ZMYM2: variants seen among roughly 807,000 people sequenced by gnomAD.
ZMYM2 encodes the protein zinc finger MYM-type containing 2.
ZMYM2 carries 56 observed loss-of-function variants against 162.8 expected under a neutral mutation model. The ratio of observed to expected loss-of-function variants is 0.34; its 90% confidence interval spans 0.28 to 0.43. The LOEUF is 0.43. Among genes scored for constraint, ZMYM2 ranks in the 20% least tolerant of loss-of-function variants. ZMYM2 has a pLI of 1.00. For synonymous variants in ZMYM2, 510 were observed against 541.6 expected, an observed-to-expected ratio of 0.94 and a Z score of 0.81; for missense variants, 1,275 against 1,621.8, an observed-to-expected ratio of 0.79 and a Z score of 3.67.
At chr13:19,874,912 T>C in the ZMYM2 span, among the ~76,000 whole-genome samples, 49 of 152,220 alleles carry the variant, frequency 3.2e-4, no homozygotes, top group Non-Finnish European at 6.3e-4. Flanking sequence ...AAAGTCAAAA[T>C]ATAACAGATG....
At chr13:19,974,832 T>G (rs1331583071) in intron 2 of ZMYM2, among the ~76,000 whole-genome samples, 2 of 152,180 alleles carry the variant, frequency 1.3e-5, no homozygotes, top group African/African-American at 4.8e-5. Flanking sequence ...AATTGCTTGG[T>G]CAAAGAAATG....
chr13:19,938,276 G>A, the ZMYM2 span, among the ~76,000 whole-genome samples: 2 of 152,248 alleles, frequency 1.3e-5, no homozygotes, highest in South Asian at 4.1e-4. Context: ...GGAGGCTGAG[G>A]TGGGCGGATC....
intron 2 of ZMYM2, among the ~76,000 whole-genome samples, chr13:19,976,684 G>C (rs1479676384): frequency 2.0e-5 from 3 of 152,196 alleles, no homozygotes; most frequent in African/African-American, 7.2e-5. Context: ...GTGACTGGCT[G>C]TTTTCAGGTA....
the ZMYM2 span, among the ~76,000 whole-genome samples, chr13:19,925,967 C>CT: frequency 1.5e-3 from 219 of 143,722 alleles, 3 homozygotes; most frequent in East Asian, 0.019. Flanking sequence ...TGAAAATTAT[C>CT]TTTTTTTTTT....
chr13:20,031,296 G>A (rs1429734433), intron 9 of ZMYM2, 23 bp from the exon 10 acceptor site: 1 of 1,525,850 alleles, frequency 6.6e-7, no homozygotes, highest in Non-Finnish European at 9.0e-7. Flanking sequence ...GTCAGGCTTA[G>A]TATCTTTTGT....
intron 18 of ZMYM2, among the ~76,000 whole-genome samples, chr13:20,063,865 A>G (rs1956446507): frequency 6.9e-6 from 1 of 145,116 alleles, no homozygotes; most frequent in African/African-American, 2.5e-5. Flanking sequence ...TGTATATAAT[A>G]TATAAATATA....
At chr13:19,885,901 A>ACATATGTGTGTATCACATATATGTGTG in the ZMYM2 span, among the ~76,000 whole-genome samples, 1 of 107,366 alleles carries the variant, frequency 9.3e-6, no homozygotes, top group Admixed American at 9.0e-5. Context: ...GTGTATACAC[A>ACATATGTGTGTATCACATATATGTGTG]TATATATGTA....
the ZMYM2 span, among the ~76,000 whole-genome samples, chr13:19,877,211 CAA>C: frequency 2.4e-5 from 3 of 126,532 alleles, no homozygotes; most frequent in Non-Finnish European, 1.6e-5. Flanking sequence ...GACTCCGTCT[CAA>C]AAAAAAAAAA....
chr13:19,959,586 T>G (rs1489815683), intron 1 of ZMYM2, among the ~76,000 whole-genome samples: 1 of 152,078 alleles, frequency 6.6e-6, no homozygotes, highest in Non-Finnish European at 1.5e-5. Flanking sequence ...CCCTTACCTC[T>G]GAATTGGTAC....
chr13:19,970,820 A>G (rs1956248108), intron 2 of ZMYM2, among the ~76,000 whole-genome samples: 1 of 152,204 alleles, frequency 6.6e-6, no homozygotes, highest in Admixed American at 6.5e-5. Flanking sequence ...AATGCAGCTG[A>G]GGAAATGAGT....
chr13:19,918,068 G>GA, the ZMYM2 span, among the ~76,000 whole-genome samples: 1 of 150,794 alleles, frequency 6.6e-6, no homozygotes, highest in African/African-American at 2.4e-5. Context: ...AAAAACAAAA[G>GA]AAAAAGAAAA....
intron 18 of ZMYM2, 84 bp downstream of exon 18, chr13:20,063,055 T>G (rs1956348263): frequency 7.1e-7 from 1 of 1,418,420 alleles, no homozygotes; most frequent in African/African-American, 1.5e-5. Flanking sequence ...TTTGTGTCAT[T>G]GCCTTTTAGC....
At chr13:19,997,371 A>G (rs1950092146) in intron 3 of ZMYM2, among the ~76,000 whole-genome samples, 1 of 152,188 alleles carries the variant, frequency 6.6e-6, no homozygotes, top group African/African-American at 2.4e-5. Flanking sequence ...AAATATTATG[A>G]TTACTCCCAT....
intron 12 of ZMYM2, among the ~76,000 whole-genome samples, chr13:20,050,543 T>G (rs531551844): frequency 6.6e-6 from 1 of 152,150 alleles, no homozygotes; most frequent in Non-Finnish European, 1.5e-5. Flanking sequence ...ATCAGAAACT[T>G]AAATTATGAA....
At chr13:20,061,363 T>G in intron 17 of ZMYM2, 139 bp downstream of exon 17, 1 of 828,430 alleles carries the variant, frequency 1.2e-6, no homozygotes, top group South Asian at 2.7e-5. Context: ...AAAATGTTTT[T>G]TATATTAAGA....
the ZMYM2 span, among the ~76,000 whole-genome samples, chr13:19,943,985 T>C: frequency 6.6e-6 from 1 of 152,082 alleles, no homozygotes; most frequent in Admixed American, 6.6e-5. Flanking sequence ...TGGGGCTGCA[T>C]TGGTGGGAGT....
intron 5 of ZMYM2, 33 bp from the exon 6 acceptor site, chr13:20,006,341 T>C (rs763076082): frequency 1.3e-6 from 2 of 1,532,084 alleles, no homozygotes; most frequent in Non-Finnish European, 1.8e-6. Context: ...CAGATTGATC[T>C]GTTTTGTAAG....
chr13:19,865,129 G>C, the ZMYM2 span: 1 of 152,228 alleles, frequency 6.6e-6, no homozygotes, highest in African/African-American at 2.4e-5. Context: ...ACCATCTAAT[G>C]CAGGGGTGGC....
chr13:19,950,772 G>A, the ZMYM2 span, among the ~76,000 whole-genome samples: 19 of 152,094 alleles, frequency 1.2e-4, no homozygotes, highest in Non-Finnish European at 2.4e-4. Flanking sequence ...ACTAAATAAC[G>A]GTTGACAATA....
Sources: gnomAD v4.1 joint callset for allele counts (sites outside exome capture counted in the v4.1 genomes callset) on GRCh38, gnomAD v4.1.1 for gene constraint, MANE v1.5 for transcripts, NCBI Gene and HGNC (gene_info 2026-07-23, HGNC 2026-07-21) for gene names.